Variants in NCOR1 observed in about 807,000 individuals in gnomAD.
NCOR1 encodes the protein protein phosphatase 1, regulatory subunit 109.
A neutral mutation model predicts 288.1 loss-of-function variants in NCOR1; 63 were observed. The observed-to-expected ratio is 0.22, with a 90% CI of 0.18 to 0.27. The LOEUF (loss-of-function observed/expected upper bound fraction) is 0.27. NCOR1 is among the 10% of genes least tolerant of loss of function. The probability of loss-of-function intolerance (pLI) is 1.00; values close to 1 mark genes in which losing one functional copy is unlikely to be tolerated. For synonymous variants in NCOR1, 1,007 were observed against 1,065.9 expected (o/e 0.94, Z 1.08); for missense variants, 2,397 against 3,019.2 (o/e 0.79, Z 4.83).
chr17:16,116,626 T>C (rs900554087), intron 18 of NCOR1, among the ~76,000 whole-genome samples: 1 of 152,198 alleles, frequency 6.6e-6, no homozygotes, highest in Non-Finnish European at 1.5e-5. Flanking sequence ...TAAAATGACA[T>C]TCCATGAAAA....
At chr17:16,174,344 A>AG (rs1192530342) in intron 3 of NCOR1, among the ~76,000 whole-genome samples, 2 of 152,210 alleles carry the variant, frequency 1.3e-5, no homozygotes, top group Non-Finnish European at 2.9e-5. Flanking sequence ...GGCCAGAGGT[A>AG]ATCTACCCAA....
intron 1 of NCOR1, among the ~76,000 whole-genome samples, chr17:16,205,288 C>A (rs932473053): frequency 1.3e-5 from 2 of 151,298 alleles, no homozygotes; most frequent in East Asian, 1.9e-4. Flanking sequence ...AACGCAATAA[C>A]CCCATCAGGA....
rs139969451 is a variant in NCOR1 at position 16,071,357 on chromosome 17, T to A, written c.4152+52A>T. 2.0e-5 allele frequency: 32 copies of A among 1,569,864 alleles called. No individual in the cohort carries two copies. In the East Asian group the frequency reaches 6.8e-4, roughly 33 times the overall value. Reference sequence around the variant, plus strand: ...TTATAATTATTAAGTCACACTTTTTTAAATGTTCCATAAATATCAGTTACT... The same window carrying A: ...TTATAATTATTAAGTCACACTTTTTAAAATGTTCCATAAATATCAGTTACT... On this transcript the variant is annotated intron_variant, in intron 30 of 45. Coordinates refer to ENST00000268712, the MANE Select transcript of NCOR1 (RefSeq NM_006311.4).
At position 16,029,176 on chromosome 17, in the gene NCOR1, T is replaced by C. The variant is rs1191525784; in HGVS notation, c.*3120A>G. 2.2e-6 allele frequency: 1 copy of C among 453,320 alleles called. No individual in the cohort carries two copies. Among genetic ancestry groups the C allele is most frequent in the Non-Finnish European group, 4.4e-6 (1 of 226,620 alleles). 28.1% of individuals were successfully genotyped at this position (453,320 alleles called of 1,614,324 possible). On this transcript the variant is annotated 3_prime_UTR_variant, in exon 46 of 46. Transcript: ENST00000268712. ...GAAAGGTTTTTCATTCCAAGTTTTA[T>C]TTATTTATTAATTTTAAATCATCCA...
Position 16,047,051 on chromosome 17 carries a change from T to C in NCOR1, c.6579A>G (p.Ser2193=). 1.2e-6 allele frequency: 2 copies of C among 1,613,952 alleles called. No individual in the cohort carries two copies. Among genetic ancestry groups the C allele is most frequent in the Non-Finnish European group, 1.7e-6 (2 of 1,179,940 alleles). The change falls in exon 42 of 46, where the codon TCA becomes TCG. Residue 2193 remains serine (S), a synonymous_variant. Coordinates refer to ENST00000268712, the MANE Select transcript of NCOR1 (RefSeq NM_006311.4). ...RSPGSISYLP[S]FFTKLENTSP... ...ATGTATTTTCAAGCTTGGTGAAGAATGAAGGCAAGTAGCTTATACTCCCTG... is the reference window on the plus strand; with the variant it reads ...ATGTATTTTCAAGCTTGGTGAAGAACGAAGGCAAGTAGCTTATACTCCCTG...
chr17:16,125,701 CAAA>C (rs71353771), intron 15 of NCOR1, among the ~76,000 whole-genome samples: 4 of 82,310 alleles, frequency 4.9e-5, no homozygotes, highest in African/African-American at 4.7e-5. Context: ...GACGCCATCA[CAAA>C]AAAAAAAAAA....
chr17:16,174,855 TAG>T (rs1305794001), intron 3 of NCOR1, among the ~76,000 whole-genome samples: 2 of 152,098 alleles, frequency 1.3e-5, no homozygotes, highest in Admixed American at 1.3e-4. Flanking sequence ...TTAAATAAAA[TAG>T]AGTTACCACA....
intron 2 of NCOR1, among the ~76,000 whole-genome samples, chr17:16,190,187 G>A (rs1438067879): frequency 1.3e-5 from 2 of 152,162 alleles, no homozygotes; most frequent in East Asian, 1.9e-4. Flanking sequence ...CTATGACTGC[G>A]TCACTGCATT....
At chr17:16,206,708 A>G (rs2091552711) in intron 1 of NCOR1, among the ~76,000 whole-genome samples, 1 of 152,162 alleles carries the variant, frequency 6.6e-6, no homozygotes, top group South Asian at 2.1e-4. Flanking sequence ...TTCATGTACT[A>G]GAAATGGGAT....
intron 42 of NCOR1, chr17:16,041,324 G>A (rs570169181): frequency 4.6e-5 from 7 of 151,116 alleles, no homozygotes; most frequent in South Asian, 2.1e-4. Flanking sequence ...CCAACTTGAC[G>A]CTAAGAATTT....
At chr17:16,197,819 C>CT (rs1568629204) in intron 1 of NCOR1, among the ~76,000 whole-genome samples, 1 of 152,026 alleles carries the variant, frequency 6.6e-6, no homozygotes, top group Non-Finnish European at 1.5e-5. Context: ...GAGGGTTGAT[C>CT]TTTTTGGAAA....
chr17:16,180,584 C>CA (rs1260503712), intron 3 of NCOR1, among the ~76,000 whole-genome samples: 1 of 151,834 alleles, frequency 6.6e-6, no homozygotes. Context: ...CCTATCTCTA[C>CA]AAAAAATACA....
At chr17:16,154,508 C>G (rs1214207873) in intron 6 of NCOR1, among the ~76,000 whole-genome samples, 1 of 152,100 alleles carries the variant, frequency 6.6e-6, no homozygotes, top group Admixed American at 6.6e-5. Context: ...CTTGAGGTAA[C>G]AGTGTGCTTG....
chr17:16,158,428 G>A (rs777293347), intron 6 of NCOR1, among the ~76,000 whole-genome samples: 1 of 152,122 alleles, frequency 6.6e-6, no homozygotes, highest in Non-Finnish European at 1.5e-5. Context: ...AAAACTGCAG[G>A]ATGGTTGTTT....
At chr17:16,160,589 A>G (rs1172403733) in intron 5 of NCOR1, among the ~76,000 whole-genome samples, 1 of 152,210 alleles carries the variant, frequency 6.6e-6, no homozygotes, top group Non-Finnish European at 1.5e-5. Flanking sequence ...CCAGGAGTTC[A>G]AGACCAGCCT....
At chr17:16,034,181 G>A (rs1428184891) in intron 45 of NCOR1, among the ~76,000 whole-genome samples, 1 of 152,122 alleles carries the variant, frequency 6.6e-6, no homozygotes, top group Non-Finnish European at 1.5e-5. Context: ...GTCAATGTTC[G>A]CTACCAGTGT....
intron 4 of NCOR1, among the ~76,000 whole-genome samples, chr17:16,170,137 G>A (rs1258341086): frequency 1.3e-5 from 2 of 151,736 alleles, no homozygotes; most frequent in East Asian, 1.9e-4. Flanking sequence ...GTGTGTGTGT[G>A]TATAACTTCA....
intron 44 of NCOR1, among the ~76,000 whole-genome samples, chr17:16,038,124 T>TA (rs916172145): frequency 1.3e-5 from 2 of 152,152 alleles, no homozygotes; most frequent in African/African-American, 4.8e-5. Context: ...CATAGTGAGA[T>TA]AGATCTTTTG....
rs773922677 is a variant in NCOR1, at chr17:16,192,153, T to TA, written c.108+2308dup. 3.4e-3 allele frequency: 448 copies of TA among 133,248 alleles called. 1 individual carries two copies. The highest frequency in any genetic ancestry group is 6.6e-3 in the African/African-American group (240 of 36,400). The allele number at this position is 133,248 out of a possible 1,614,324, so 8.3% of individuals were successfully genotyped here. A position where few individuals can be genotyped will look rare whatever the true frequency, so the allele number is the denominator to read the frequency against. On this transcript the variant is annotated intron_variant, in intron 2 of 45. Coordinates refer to ENST00000268712, the MANE Select transcript of NCOR1 (RefSeq NM_006311.4). ...AACATAGCAAGGCACCATCTTCGTTTAAAAAAAAAAAAAAAACCCATACCC... is the reference window on the plus strand; with the variant it reads ...AACATAGCAAGGCACCATCTTCGTTTAAAAAAAAAAAAAAAAACCCATACCC...
Sources: allele counts gnomAD v4.1 joint callset (sites outside exome capture counted in the v4.1 genomes callset), GRCh38; gene constraint gnomAD v4.1.1; transcripts MANE v1.5; gene names NCBI Gene and HGNC (gene_info 2026-07-23, HGNC 2026-07-21).